ZBBX: variants seen among roughly 807,000 people sequenced by gnomAD.
ZBBX encodes zinc finger B-box domain containing, also known as zinc finger B-box domain-containing protein 1.
In ZBBX, 101 loss-of-function variants were observed where a neutral mutation model predicts 108.5. The ratio of observed to expected loss-of-function variants is 0.93; its 90% confidence interval spans 0.79 to 1.10. ZBBX has a LOEUF of 1.10. ZBBX is among the 50% of genes least tolerant of loss of function. The probability of loss-of-function intolerance (pLI) is 0.00; values close to 1 mark genes in which losing one functional copy is unlikely to be tolerated. For synonymous variants in ZBBX, 356 were observed against 323.4 expected (o/e 1.10, Z -1.08); for missense variants, 1,009 against 941.4 (o/e 1.07, Z -0.94).
chr3:167,310,530 G>A (rs953429660), intron 16 of ZBBX, among the ~76,000 whole-genome samples: 1 of 152,150 alleles, frequency 6.6e-6, no homozygotes, highest in African/African-American at 2.4e-5. Flanking sequence ...GAGGTCTCAG[G>A]AGTCTTATAA....
upstream of ZBBX, among the ~76,000 whole-genome samples, chr3:167,380,878 A>AGT (rs1560209636): frequency 7.7e-3 from 1,168 of 151,326 alleles, 17 homozygotes; most frequent in Admixed American, 0.031. Context: ...ACACACACAC[A>AGT]CACACACACA....
the ZBBX span, among the ~76,000 whole-genome samples, chr3:167,219,750 A>G: frequency 2.0e-5 from 3 of 151,940 alleles, no homozygotes; most frequent in South Asian, 6.2e-4. Context: ...AGAAGAAAAT[A>G]AATAATAATG....
rs139577424 is a variant in ZBBX at position 167,290,471 on chromosome 3, T to C, written c.1880-1488A>G. Among the ~76,000 whole-genome samples, 1,203 of 152,132 alleles carry C rather than the reference T, an allele frequency of 7.9e-3. 17 individuals carry two copies. The highest frequency in any genetic ancestry group is 0.028 in the African/African-American group (1,148 of 41,476). On this transcript the variant is annotated intron_variant, in intron 18 of 21. Coordinates refer to ENST00000675490, the MANE Select transcript of ZBBX (RefSeq NM_001199201.2). ...GACATGCAGCAGAGGAGCTGGACTG[T>C]TAGAAGGAAAACTAACAAACAGAAA...
chr3:167,228,296 T>C, the ZBBX span, among the ~76,000 whole-genome samples: 1 of 151,730 alleles, frequency 6.6e-6, no homozygotes, highest in African/African-American at 2.4e-5. Context: ...ATGAGTCAGC[T>C]TCTGAGTCAA....
chr3:167,400,845 C>A lies in ZBBX; in HGVS notation c.-446+6881G>T, dbSNP rs562079943. On this transcript the variant is annotated intron_variant, in intron 1 of 21. Transcript: ENST00000455345. ...CTTCCAGGTATAGGTAGGTAAGAGA[C>A]AAATGGTTGCATTTTTTTGAGTTTC... Among the ~76,000 whole-genome samples the A allele has an allele frequency of 6.6e-5, 10 of 152,156 alleles. No individual in the cohort carries two copies. The South Asian group carries it at 2.1e-3, about 32-fold the overall frequency.
intron 9 of ZBBX, among the ~76,000 whole-genome samples, chr3:167,344,195 G>T (rs1403246523): frequency 2.0e-5 from 3 of 151,654 alleles, no homozygotes; most frequent in African/African-American, 7.3e-5. Context: ...AAGGAGTATT[G>T]GTCCCGAGAA....
At chr3:167,254,352 A>G (rs1343470501) in intron 20 of ZBBX, among the ~76,000 whole-genome samples, 1 of 152,140 alleles carries the variant, frequency 6.6e-6, no homozygotes, top group Non-Finnish European at 1.5e-5. Flanking sequence ...TATGTGGGGG[A>G]AGAGTTCTTT....
At chr3:167,194,723 C>T in the ZBBX span, among the ~76,000 whole-genome samples, 1 of 152,090 alleles carries the variant, frequency 6.6e-6, no homozygotes, top group Non-Finnish European at 1.5e-5. Flanking sequence ...TTTGACTATC[C>T]CAACTGCTGG....
rs181642905 is a variant in ZBBX at position 167,350,533 on chromosome 3, A to T, written c.433-18T>A. On this transcript the variant is annotated intron_variant, in intron 8 of 21. Transcript: ENST00000675490. ...AGGCATACCTAAAAAGATATTTTTTAAAAAATTATACAATCTTATAAAATA... is the reference window on the plus strand; with the variant it reads ...AGGCATACCTAAAAAGATATTTTTTTAAAAATTATACAATCTTATAAAATA... The T allele has an allele frequency of 3.0e-3, 4,555 of 1,515,914 alleles. 11 individuals are homozygous for T. Among genetic ancestry groups the T allele is most frequent in the Non-Finnish European group, 3.8e-3 (4,185 of 1,112,896 alleles). 93.9% of individuals were successfully genotyped at this position (1,515,914 alleles called of 1,614,324 possible).
At chr3:167,199,125 A>G in the ZBBX span, among the ~76,000 whole-genome samples, 2 of 152,192 alleles carry the variant, frequency 1.3e-5, no homozygotes, top group Non-Finnish European at 2.9e-5. Flanking sequence ...AAGCAGGAGA[A>G]GCATTAAAGG....
chr3:167,374,767 C>G (rs958513040), intron 2 of ZBBX, among the ~76,000 whole-genome samples: 16 of 151,900 alleles, frequency 1.1e-4, no homozygotes, highest in Middle Eastern at 3.2e-3. Context: ...AAAATTTATA[C>G]ATGTGATAAT....
intron 20 of ZBBX, among the ~76,000 whole-genome samples, chr3:167,274,967 C>T (rs752140289): frequency 1.6e-4 from 24 of 152,120 alleles, no homozygotes; most frequent in Admixed American, 3.9e-4. Context: ...GATGAGGAAA[C>T]TAAATTTATA....
chr3:167,346,086 C>A (rs552820957), intron 9 of ZBBX, among the ~76,000 whole-genome samples: 5 of 151,750 alleles, frequency 3.3e-5, no homozygotes, highest in African/African-American at 4.8e-5. Context: ...TCTGATCTTA[C>A]GTTGCTAAAA....
At chr3:167,312,367 A>G (rs1204947251) in intron 16 of ZBBX, among the ~76,000 whole-genome samples, 2 of 152,158 alleles carry the variant, frequency 1.3e-5, no homozygotes, top group African/African-American at 2.4e-5. Flanking sequence ...TATGTATCAC[A>G]TTATACTTTT....
At chr3:167,388,240 T>C (rs1747979843) in intron 1 of ZBBX, among the ~76,000 whole-genome samples, 1 of 151,800 alleles carries the variant, frequency 6.6e-6, no homozygotes, top group Non-Finnish European at 1.5e-5. Context: ...ATCAATATCC[T>C]AGGGTGGAAC....
intron 9 of ZBBX, among the ~76,000 whole-genome samples, chr3:167,336,643 A>G (rs1739601444): frequency 3.3e-5 from 5 of 152,116 alleles, no homozygotes; most frequent in Admixed American, 3.3e-4. Context: ...CTTTTTCCCT[A>G]CTAGATTTAT....
At chr3:167,217,002 C>A in the ZBBX span, among the ~76,000 whole-genome samples, 1 of 152,066 alleles carries the variant, frequency 6.6e-6, no homozygotes, top group South Asian at 2.1e-4. Flanking sequence ...AATGTAAAAT[C>A]AAAACCTATA....
chr3:167,206,424 G>A, the ZBBX span, among the ~76,000 whole-genome samples: 3 of 151,808 alleles, frequency 2.0e-5, no homozygotes, highest in East Asian at 5.8e-4. Context: ...TGTGGTTATT[G>A]TGAATAATGC....
chr3:167,286,826 A>G (rs1208405796), intron 19 of ZBBX, among the ~76,000 whole-genome samples: 1 of 152,124 alleles, frequency 6.6e-6, no homozygotes, highest in African/African-American at 2.4e-5. Flanking sequence ...CTAAACACAC[A>G]TAGCTACGAT....
Sources: allele counts gnomAD v4.1 joint callset (sites outside exome capture counted in the v4.1 genomes callset), GRCh38; gene constraint gnomAD v4.1.1; transcripts MANE v1.5; gene names NCBI Gene and HGNC (gene_info 2026-07-23, HGNC 2026-07-21).